LATS2: variants seen among roughly 807,000 people sequenced by gnomAD.
The protein encoded by LATS2 is serine/threonine-protein kinase LATS2.
A neutral mutation model predicts 76.0 loss-of-function variants in LATS2; 24 were observed. The ratio of observed to expected loss-of-function variants is 0.32; its 90% CI spans 0.23 to 0.44. LATS2 has a LOEUF of 0.44. Ranked by LOEUF, LATS2 falls within the 20% of genes least tolerant of loss-of-function variation. LATS2 has a pLI of 1.00. For synonymous variants in LATS2, 692 were observed against 635.4 expected, an observed-to-expected ratio of 1.09 and a Z score of -1.34; for missense variants, 1,286 against 1,481.2, an observed-to-expected ratio of 0.87 and a Z score of 2.16.
intron 6 of LATS2, among the ~76,000 whole-genome samples, chr13:20,980,407 T>C (rs905382642): frequency 2.0e-5 from 3 of 152,190 alleles, no homozygotes. Context: ...CCACTTTTCC[T>C]TCAGAGCCTC....
At chr13:21,022,067 C>T (rs188475956) in intron 2 of LATS2, among the ~76,000 whole-genome samples, 89 of 152,170 alleles carry the variant, frequency 5.8e-4, no homozygotes, top group African/African-American at 1.8e-3. Context: ...AGACTATTTT[C>T]GTGGGTTCTC....
chr13:21,017,979 T>C (rs1477545420), intron 2 of LATS2: 1 of 152,204 alleles, frequency 6.6e-6, no homozygotes, highest in Non-Finnish European at 1.5e-5. Context: ...TTAGGTGCCA[T>C]GGTTTTCTTT....
chr13:21,051,638 G>A (rs1873277838), intron 1 of LATS2, among the ~76,000 whole-genome samples: 1 of 152,280 alleles, frequency 6.6e-6, no homozygotes, highest in South Asian at 2.1e-4. Context: ...CAGTGGTGGA[G>A]GAGGAAGGCA....
Position 20,991,135 on chromosome 13 carries a change from C to G in LATS2, c.475+137G>C. On this transcript the variant is annotated intron_variant, in intron 3 of 7. Coordinates refer to ENST00000382592, the MANE Select transcript of LATS2 (RefSeq NM_014572.3). The surrounding 1 kb of genome is among the most constrained non-coding windows in gnomAD (Gnocchi z 4.9). ...GTCAGGGCAGGGCAGGCTCAGCTTG[C>G]CTGTTAACTGAATGAGGCAATGTGC... 9.0e-7 allele frequency: 1 copy of G among 1,115,842 alleles called. No homozygotes were observed. Among genetic ancestry groups the G allele is most frequent in the Non-Finnish European group, 1.3e-6 (1 of 765,254 alleles). 69.1% of individuals were successfully genotyped at this position (1,115,842 alleles called of 1,614,324 possible).
intron 2 of LATS2, among the ~76,000 whole-genome samples, chr13:21,004,608 A>C (rs1024190879): frequency 6.6e-6 from 1 of 152,144 alleles, no homozygotes; most frequent in African/African-American, 2.4e-5. Flanking sequence ...GGAAACCAGC[A>C]ATGCAGTGGG....
intron 2 of LATS2, among the ~76,000 whole-genome samples, chr13:20,998,745 G>C (rs372110765): frequency 7.2e-5 from 11 of 152,178 alleles, no homozygotes; most frequent in Middle Eastern, 3.4e-3. Context: ...TCAATGCGGG[G>C]CGAGGCGGGG....
At chr13:21,022,262 G>T (rs1473405614) in intron 2 of LATS2, among the ~76,000 whole-genome samples, 1 of 152,152 alleles carries the variant, frequency 6.6e-6, no homozygotes, top group Non-Finnish European at 1.5e-5. Context: ...ATGCATATGT[G>T]CGTGTGCATG....
intron 5 of LATS2, 47 bp downstream of exon 5, chr13:20,983,177 G>T: frequency 7.4e-7 from 1 of 1,346,590 alleles, no homozygotes; most frequent in Non-Finnish European, 1.0e-6. Context: ...AATGGGGTTA[G>T]TGACATCTAC....
At chr13:21,021,092 G>A (rs1489643683) in intron 2 of LATS2, among the ~76,000 whole-genome samples, 2 of 152,194 alleles carry the variant, frequency 1.3e-5, no homozygotes, top group Non-Finnish European at 2.9e-5. Context: ...GGCCGTGTGT[G>A]GGTCACTGTC....
At chr13:21,003,860 C>CA (rs1871153417) in intron 2 of LATS2, among the ~76,000 whole-genome samples, 1 of 152,198 alleles carries the variant, frequency 6.6e-6, no homozygotes, top group Non-Finnish European at 1.5e-5. Context: ...AGGCATGAGC[C>CA]ACTGCGCCTG....
chr13:21,057,602 G>A (rs894773757), intron 1 of LATS2, among the ~76,000 whole-genome samples: 1 of 152,026 alleles, frequency 6.6e-6, no homozygotes, highest in Non-Finnish European at 1.5e-5. Flanking sequence ...GACCATCCTG[G>A]CTACTACGGT....
intron 4 of LATS2, among the ~76,000 whole-genome samples, chr13:20,985,292 C>T (rs1472171797): frequency 1.3e-5 from 2 of 152,228 alleles, no homozygotes; most frequent in Non-Finnish European, 2.9e-5. Flanking sequence ...TAAAAAGCTT[C>T]TGCAGAGCAA....
At chr13:20,987,407 G>A (rs1870205537) in intron 4 of LATS2, among the ~76,000 whole-genome samples, 1 of 151,966 alleles carries the variant, frequency 6.6e-6, no homozygotes, top group Admixed American at 6.6e-5. Context: ...GTCAACTAAG[G>A]TATATTTAAA....
chr13:20,980,512 G>A (rs1186380422), intron 6 of LATS2, among the ~76,000 whole-genome samples: 3 of 152,204 alleles, frequency 2.0e-5, no homozygotes, highest in African/African-American at 7.2e-5. Context: ...GCCTGCAGCT[G>A]CATATGCCAG....
intron 1 of LATS2, among the ~76,000 whole-genome samples, chr13:21,060,023 C>T (rs1375069897): frequency 2.0e-5 from 3 of 152,160 alleles, no homozygotes; most frequent in African/African-American, 7.2e-5. Context: ...TGGTGATCCT[C>T]GCAAAATAGC....
intron 2 of LATS2, among the ~76,000 whole-genome samples, chr13:21,024,841 T>C (rs1872244315): frequency 6.6e-6 from 1 of 152,190 alleles, no homozygotes. Context: ...GTGTGTATCC[T>C]ATACTCACTG....
At chr13:21,012,345 C>A (rs1481303966) in intron 2 of LATS2, among the ~76,000 whole-genome samples, 1 of 152,162 alleles carries the variant, frequency 6.6e-6, no homozygotes, top group Non-Finnish European at 1.5e-5. Flanking sequence ...AAAAGACCAG[C>A]AGTGCCCAGT....
At chr13:21,003,438 T>A (rs1871133455) in intron 2 of LATS2, among the ~76,000 whole-genome samples, 1 of 140,488 alleles carries the variant, frequency 7.1e-6, no homozygotes, top group Admixed American at 7.0e-5. Context: ...GTCTTTCTTT[T>A]TTTTCCTTTT....
In LATS2 at chr13:20,975,214, C is replaced by T. The variant is rs753092502; in HGVS notation, c.2923G>A (p.Ala975Thr). 15 of 1,614,030 alleles carry T rather than the reference C, an allele frequency of 9.3e-6. No individual in the cohort carries two copies. Among genetic ancestry groups the T allele is most frequent in the Admixed American group, 8.3e-5 (5 of 59,994 alleles). The change falls in exon 8 of 8, where the codon GCC (alanine) becomes ACC (threonine). Residue 975 changes from alanine (A) to threonine (T), a missense_variant. Physicochemically the swap from Ala to Thr is moderately conservative, Grantham distance 58. Coordinates refer to ENST00000382592, the MANE Select transcript of LATS2 (RefSeq NM_014572.3). ...CGGATGTCACTGGAGAAGTCAATGG[C>T]GCTGAAGAAGGGGTGGGCCTTCAGG... ...DDLKAHPFFSAIDFSSDIRKQ... is the reference protein window; with the variant it reads ...DDLKAHPFFSTIDFSSDIRKQ...
Sources: gnomAD v4.1 joint callset for allele counts (sites outside exome capture counted in the v4.1 genomes callset) on GRCh38, gnomAD v4.1.1 for gene constraint, Gnocchi (gnomAD v3.1) non-coding constraint, MANE v1.5 for transcripts, NCBI Gene and HGNC (gene_info 2026-07-23, HGNC 2026-07-21) for gene names.